Variants in TBC1D14 observed in about 807,000 individuals in gnomAD.
The protein encoded by TBC1D14 is TBC1 domain family, member 14.
In TBC1D14, 26 loss-of-function variants were observed where a neutral mutation model predicts 79.0. That is an observed-to-expected ratio of 0.33 (90% CI 0.24 to 0.46). The LOEUF (loss-of-function observed/expected upper bound fraction) is 0.46. TBC1D14 is among the 20% of genes least tolerant of loss of function. TBC1D14 has a pLI of 1.00. For synonymous variants in TBC1D14, 394 were observed against 349.9 expected, an observed-to-expected ratio of 1.13 and a Z score of -1.40; for missense variants, 769 against 887.6, an observed-to-expected ratio of 0.87 and a Z score of 1.70.
intron 1 of TBC1D14, among the ~76,000 whole-genome samples, chr4:6,918,881 A>G (rs750909580): frequency 6.6e-6 from 1 of 152,160 alleles, no homozygotes; most frequent in Non-Finnish European, 1.5e-5. Flanking sequence ...ATATATTTGA[A>G]TCATCCTGGA....
At chr4:6,917,732 C>T (rs534124625) in intron 1 of TBC1D14, among the ~76,000 whole-genome samples, 2 of 152,298 alleles carry the variant, frequency 1.3e-5, no homozygotes, top group African/African-American at 4.8e-5. Flanking sequence ...GGCAGGCCAT[C>T]TGCAGTTGGT....
rs772737803 is a variant in TBC1D14, at chr4:7,025,226, G to C, written c.1980G>C (p.Thr660=). ...AGGAGCTGTTTGCCTCCATCGCCAC[G>C]ATCCAGATGCAGAGCCGAAACAAGA... ...PAEELFASIA[T]IQMQSRNKKW... The change falls in exon 13 of 14, where the codon ACG becomes ACC. Residue 660 remains threonine, a synonymous_variant. Transcript: ENST00000409757. 5.6e-6 allele frequency: 9 copies of C among 1,614,220 alleles called. No individual in the cohort carries two copies. The highest frequency in any genetic ancestry group is 7.6e-6 in the Non-Finnish European group (9 of 1,180,036).
chr4:6,939,444 G>C (rs1403085827), intron 2 of TBC1D14, among the ~76,000 whole-genome samples: 1 of 151,954 alleles, frequency 6.6e-6, no homozygotes, highest in Non-Finnish European at 1.5e-5. Flanking sequence ...CACCCCTCGA[G>C]GGACTGCCTC....
At chr4:6,944,180 T>C (rs1713201367) in intron 2 of TBC1D14, among the ~76,000 whole-genome samples, 1 of 152,246 alleles carries the variant, frequency 6.6e-6, no homozygotes, top group East Asian at 1.9e-4. Context: ...CCTTCTTTTT[T>C]TATTTCCTTG....
At chr4:7,028,519 C>T (rs990014395) in intron 13 of TBC1D14, among the ~76,000 whole-genome samples, 1 of 151,726 alleles carries the variant, frequency 6.6e-6, no homozygotes. Context: ...CTCTGCCTCC[C>T]GGGTTCAAGC....
At chr4:6,994,736 C>T (rs1441137431) in intron 4 of TBC1D14, among the ~76,000 whole-genome samples, 2 of 151,522 alleles carry the variant, frequency 1.3e-5, no homozygotes, top group Non-Finnish European at 2.9e-5. Context: ...TGATGGGTGC[C>T]GTAATCCTAG....
chr4:7,014,527 A>C lies in TBC1D14; in HGVS notation c.1727A>C (p.Asn576Thr). The change falls in exon 12 of 14, where the codon AAC becomes ACC. Residue 576 changes from asparagine to threonine, a missense_variant. This residue lies in a region of TBC1D14 where 367 missense variants were observed against 494.4 expected (regional missense o/e 0.74). Transcript: ENST00000409757. Reference sequence around the variant, plus strand: ...TTATTTGCGCATTTCAAGAAGAACAACCTAACTCCAGATATCTACCTAATT... The same window carrying C: ...TTATTTGCGCATTTCAAGAAGAACACCCTAACTCCAGATATCTACCTAATT... ...PKLFAHFKKNNLTPDIYLIDW... is the reference protein window; with the variant it reads ...PKLFAHFKKNTLTPDIYLIDW... 1.2e-6 allele frequency: 2 copies of C among 1,613,652 alleles called. No individual in the cohort carries two copies. Among genetic ancestry groups the C allele is most frequent in the Non-Finnish European group, 1.7e-6 (2 of 1,179,666 alleles).
chr4:6,951,602 G>A (rs1486826946), intron 2 of TBC1D14, among the ~76,000 whole-genome samples: 3 of 152,194 alleles, frequency 2.0e-5, no homozygotes, highest in Non-Finnish European at 2.9e-5. Context: ...CACAGACTTT[G>A]TCAGATGATC....
intron 2 of TBC1D14, among the ~76,000 whole-genome samples, chr4:6,933,260 T>TCCCCTCCCCTCCCCTCCCCC (rs1711949748): frequency 3.7e-4 from 1 of 2,668 alleles, no homozygotes; most frequent in Non-Finnish European, 6.9e-4. Context: ...TCCCCTCCCC[T>TCCCCTCCCCTCCCCTCCCCC]CCCCTCCCTT....
intron 2 of TBC1D14, among the ~76,000 whole-genome samples, chr4:6,946,237 A>G (rs1369893775): frequency 6.6e-6 from 1 of 152,198 alleles, no homozygotes; most frequent in East Asian, 1.9e-4. Flanking sequence ...GAATGAAAAA[A>G]ATGACATGGA....
chr4:7,015,370 G>C (rs889387828), intron 12 of TBC1D14, among the ~76,000 whole-genome samples: 3 of 152,296 alleles, frequency 2.0e-5, no homozygotes, highest in Non-Finnish European at 4.4e-5. Context: ...GACTGCGGTT[G>C]GGGAAGGGGT....
chr4:7,017,666 G>C (rs913191378), intron 12 of TBC1D14, among the ~76,000 whole-genome samples: 13 of 152,192 alleles, frequency 8.5e-5, no homozygotes, highest in African/African-American at 3.1e-4. Context: ...TGTCCACTGT[G>C]CTTTGACGAG....
intron 2 of TBC1D14, among the ~76,000 whole-genome samples, chr4:6,948,439 A>G (rs1713691948): frequency 6.6e-6 from 1 of 152,132 alleles, no homozygotes; most frequent in African/African-American, 2.4e-5. Flanking sequence ...ATTGTTGTCT[A>G]GTTTTCGGCT....
At chr4:7,012,254 A>G (rs1317076779) in intron 11 of TBC1D14, among the ~76,000 whole-genome samples, 2 of 150,958 alleles carry the variant, frequency 1.3e-5, no homozygotes, top group South Asian at 2.1e-4. Context: ...GTGAGCCGAG[A>G]TTGCGCCACT....
rs554996425 is a variant in TBC1D14 at position 7,028,236 on chromosome 4, T to TA, written c.2017-2090dup. On this transcript the variant is annotated intron_variant, in intron 13 of 13. Coordinates refer to ENST00000409757, the MANE Select transcript of TBC1D14 (RefSeq NM_020773.3). ...CGCATCCACATACTGCACACCCACA[T>TA]ACACAGGAAAGGATTAAACCCAGAT... Among the ~76,000 whole-genome samples, 8 of 152,174 alleles carry TA rather than the reference T, an allele frequency of 5.3e-5. No homozygotes were observed. The South Asian group carries it at 1.7e-3, about 32-fold the overall frequency.
Position 7,004,899 on chromosome 4 carries a change from A to T in TBC1D14, c.1326A>T (p.Thr442=). The change falls in exon 8 of 14, where the codon ACA becomes ACT. Residue 442 remains threonine (T), a synonymous_variant. Transcript: ENST00000409757. ...RAKERWRSLS[T]GGSEVENEDA... is the part of the protein sequence containing the mutation. ...AGGAGAGGTGGCGGTCCCTTAGCAC[A>T]GGAGGCTCTGAAGTGGAGAACGAAG... is the stretch of plus-strand genomic sequence containing the variant. 6.2e-7 allele frequency: 1 copy of T among 1,614,168 alleles called. No homozygotes were observed. Among genetic ancestry groups the T allele is most frequent in the Non-Finnish European group, 8.5e-7 (1 of 1,180,014 alleles).
chr4:7,010,041 T>G, intron 10 of TBC1D14, 93 bp downstream of exon 10: 1 of 1,424,580 alleles, frequency 7.0e-7, no homozygotes, highest in Non-Finnish European at 9.9e-7. Flanking sequence ...GTCATGCCAG[T>G]GCCTTCGTTT....
At chr4:6,976,871 A>G (rs1337401669) in intron 3 of TBC1D14, among the ~76,000 whole-genome samples, 1 of 152,164 alleles carries the variant, frequency 6.6e-6, no homozygotes, top group African/African-American at 2.4e-5. Context: ...CCGTATAATT[A>G]TAATGCAAAG....
chr4:6,994,949 T>A (rs898081801), intron 4 of TBC1D14, among the ~76,000 whole-genome samples: 1 of 152,062 alleles, frequency 6.6e-6, no homozygotes, highest in Admixed American at 6.6e-5. Flanking sequence ...AATGGAGGAC[T>A]GGAAAGTTAG....
Sources: gnomAD v4.1 joint callset for allele counts (sites outside exome capture counted in the v4.1 genomes callset) on GRCh38, gnomAD v4.1.1 for gene constraint, gnomAD v4.1.1 regional missense constraint, MANE v1.5 for transcripts, NCBI Gene and HGNC (gene_info 2026-07-23, HGNC 2026-07-21) for gene names.